Variants in LRP12 observed in about 807,000 individuals in gnomAD.
The protein encoded by LRP12 is LDL receptor related protein 12, also known as low-density lipoprotein receptor-related protein 12.
In LRP12, 14 loss-of-function variants were observed where a neutral mutation model predicts 66.0. The observed-to-expected ratio is 0.21, with a 90% CI of 0.14 to 0.33. The LOEUF is 0.33. Among genes scored for constraint, LRP12 ranks in the 10% least tolerant of loss-of-function variants. The probability of loss-of-function intolerance (pLI) is 1.00; values close to 1 mark genes in which losing one functional copy is unlikely to be tolerated. For missense variants in LRP12, 889 were observed against 1,053.4 expected, an observed-to-expected ratio of 0.84 and a Z score of 2.16; for synonymous variants, 357 against 359.1, an observed-to-expected ratio of 0.99 and a Z score of 0.07.
At position 104,497,596 on chromosome 8, in the gene LRP12, T is replaced by G. The variant is rs142795507; in HGVS notation, c.956A>C (p.Asp319Ala). The change falls in exon 5 of 7, where the codon GAT becomes GCT. Residue 319 changes from aspartate to alanine, a missense_variant. Physicochemically the swap from Asp to Ala is moderately radical, Grantham distance 126. This residue lies in a region of LRP12 where 800 missense variants were observed against 964.5 expected (regional missense o/e 0.83). Coordinates refer to ENST00000276654, the MANE Select transcript of LRP12 (RefSeq NM_013437.5). This position sits in a 1 kb window ranked among gnomAD's most constrained non-coding sequence, Gnocchi z 4.3. ...TGYGDYVKIY[D>A]GLEENPHKLL... ...CTTGTGTGGATTCTCCTCTAATCCA[T>G]CATATATTTTGACATAATCACCATA... 3.1e-6 allele frequency: 5 copies of G among 1,613,742 alleles called. No individual in the cohort carries two copies. The highest frequency in any genetic ancestry group is 4.2e-6 in the Non-Finnish European group (5 of 1,179,940).
chr8:104,542,396 G>T (rs1811491810), intron 1 of LRP12, among the ~76,000 whole-genome samples: 1 of 152,086 alleles, frequency 6.6e-6, no homozygotes. Flanking sequence ...TGTAGATATT[G>T]ATCCCTTGGT....
At chr8:104,585,517 C>T (rs577488537) in intron 1 of LRP12, among the ~76,000 whole-genome samples, 6 of 152,304 alleles carry the variant, frequency 3.9e-5, no homozygotes, top group Admixed American at 2.0e-4. Context: ...TGAGTCACCA[C>T]GCCTGGCCTC....
chr8:104,523,486 G>C (rs1042961267), intron 2 of LRP12, among the ~76,000 whole-genome samples: 3 of 152,060 alleles, frequency 2.0e-5, no homozygotes, highest in African/African-American at 7.2e-5. Context: ...TAATAATTCT[G>C]TAGCCACCTC....
intron 1 of LRP12, among the ~76,000 whole-genome samples, chr8:104,553,532 C>T (rs1018790771): frequency 2.6e-5 from 4 of 151,956 alleles, no homozygotes; most frequent in African/African-American, 4.8e-5. Flanking sequence ...CTCCTGGGTA[C>T]GTAACTCCAT....
intron 2 of LRP12, among the ~76,000 whole-genome samples, chr8:104,517,703 A>G (rs902799945): frequency 6.6e-6 from 1 of 152,090 alleles, no homozygotes; most frequent in African/African-American, 2.4e-5. Context: ...CATTTTTCAG[A>G]GTACTGTATA....
At position 104,553,742 on chromosome 8, in the gene LRP12, T is replaced by G. The variant is rs192111790; in HGVS notation, c.80-21779A>C. Among the ~76,000 whole-genome samples, 3 of 152,190 alleles carry G rather than the reference T, an allele frequency of 2.0e-5. No individual in the cohort carries two copies. In the East Asian group the frequency reaches 5.8e-4, roughly 29 times the overall value. On this transcript the variant is annotated intron_variant, in intron 1 of 6. Coordinates refer to ENST00000276654, the MANE Select transcript of LRP12 (RefSeq NM_013437.5). ...CCTGAGAAACCTTATCCAGGTGACC[T>G]TAGGGCAAGCTTGTATCCTCCTTAC...
chr8:104,554,414 T>C (rs1811774062), intron 1 of LRP12, among the ~76,000 whole-genome samples: 1 of 148,094 alleles, frequency 6.8e-6, no homozygotes. Context: ...TCCAGATAAA[T>C]AGATAGCATA....
At chr8:104,586,851 T>C (rs2140904449) in intron 1 of LRP12, among the ~76,000 whole-genome samples, 1 of 152,096 alleles carries the variant, frequency 6.6e-6, no homozygotes, top group East Asian at 1.9e-4. Context: ...TTTTTTACAC[T>C]TTGAAACCTG....
chr8:104,573,688 C>CA (rs145337408), intron 1 of LRP12, among the ~76,000 whole-genome samples: 6,144 of 151,712 alleles, frequency 0.04, 185 homozygotes, highest in South Asian at 0.075. Flanking sequence ...TCTTAAAAGG[C>CA]AAAATAATAA....
intron 1 of LRP12, among the ~76,000 whole-genome samples, chr8:104,579,658 C>A (rs1430908755): frequency 2.0e-5 from 3 of 152,132 alleles, no homozygotes; most frequent in Non-Finnish European, 2.9e-5. Flanking sequence ...CTGAAGAAAT[C>A]ATGCTACCCA....
intron 1 of LRP12, among the ~76,000 whole-genome samples, chr8:104,545,725 A>G (rs1194053966): frequency 1.3e-5 from 2 of 152,200 alleles, no homozygotes; most frequent in Non-Finnish European, 2.9e-5. Flanking sequence ...TAGTATAAAC[A>G]TAACTTTTAT....
At chr8:104,573,535 T>C (rs1401030222) in intron 1 of LRP12, among the ~76,000 whole-genome samples, 2 of 152,124 alleles carry the variant, frequency 1.3e-5, no homozygotes, top group African/African-American at 4.8e-5. Flanking sequence ...TGTATTATCT[T>C]GGTTAGTGAA....
chr8:104,544,684 A>G (rs147507366), intron 1 of LRP12, among the ~76,000 whole-genome samples: 64 of 152,294 alleles, frequency 4.2e-4, no homozygotes, highest in African/African-American at 1.5e-3. Flanking sequence ...ATCTGTTTAC[A>G]GCATTGTTTA....
intron 1 of LRP12, among the ~76,000 whole-genome samples, chr8:104,548,440 ATATTATAT>A (rs1459790013): frequency 1.7e-4 from 19 of 110,308 alleles, no homozygotes; most frequent in African/African-American, 8.3e-4. Flanking sequence ...ATATAATTCT[ATATTATAT>A]TATATTTTGT....
rs976359821 is a variant in LRP12 at position 104,533,753 on chromosome 8, C to A, written c.80-1790G>T. ...CTGGACTAGAACTCTTGGGCTCAAG[C>A]AATCCTCCTACCTTAGCTTCCTGAG... On this transcript the variant is annotated intron_variant, in intron 1 of 6. Transcript: ENST00000276654. 5.3e-5 allele frequency among the ~76,000 whole-genome samples: 8 copies of A among 152,030 alleles called. No homozygotes were observed. The East Asian group carries it at 1.5e-3, about 29-fold the overall frequency.
At chr8:104,503,078 A>AT (rs989020581) in intron 3 of LRP12, among the ~76,000 whole-genome samples, 2 of 152,048 alleles carry the variant, frequency 1.3e-5, no homozygotes, top group African/African-American at 4.8e-5. Flanking sequence ...ATGAAGTCTA[A>AT]TTTTTTATTT....
At position 104,496,962 on chromosome 8, in the gene LRP12, T is replaced by G; in HGVS notation, c.1580+10A>C. On this transcript the variant is annotated intron_variant, in intron 5 of 6. Transcript: ENST00000276654. Reference sequence around the variant, plus strand: ...TTATTGAGGCCCAATAGTTCTGTCTTGATACTGACCTTCTTTCAAACATTC... The same window carrying G: ...TTATTGAGGCCCAATAGTTCTGTCTGGATACTGACCTTCTTTCAAACATTC... 4.0e-6 allele frequency: 6 copies of G among 1,516,234 alleles called. No individual in the cohort carries two copies. Among genetic ancestry groups the G allele is most frequent in the Non-Finnish European group, 5.3e-6 (6 of 1,133,112 alleles). The allele number at this position is 1,516,234 out of a possible 1,614,324, so 93.9% of individuals were successfully genotyped here.
In LRP12 at chr8:104,527,854, A is replaced by G. The variant is rs1021148531; in HGVS notation, c.136+4053T>C. On this transcript the variant is annotated intron_variant, in intron 2 of 6. Transcript: ENST00000276654. ...ATAATAAAAACAAAGAAAAAAAAAG[A>G]CCATATTATAGGTACAGTTTGCACA... Among the ~76,000 whole-genome samples the G allele has an allele frequency of 3.9e-5, 6 of 152,180 alleles. No homozygotes were observed. In the South Asian group the frequency reaches 6.2e-4, roughly 16 times the overall value.
At chr8:104,554,859 T>C (rs1390421249) in intron 1 of LRP12, among the ~76,000 whole-genome samples, 1 of 152,204 alleles carries the variant, frequency 6.6e-6, no homozygotes. Context: ...GAAAGAATTC[T>C]AAGGGCTGTG....
Sources: gnomAD v4.1 joint callset for allele counts (sites outside exome capture counted in the v4.1 genomes callset) on GRCh38, gnomAD v4.1.1 for gene constraint, gnomAD v4.1.1 regional missense constraint, Gnocchi (gnomAD v3.1) non-coding constraint, MANE v1.5 for transcripts, NCBI Gene and HGNC (gene_info 2026-07-23, HGNC 2026-07-21) for gene names.